Variants in CYP19A1 observed in about 807,000 individuals in gnomAD.
CYP19A1 encodes the protein aromatase.
In CYP19A1, 32 loss-of-function variants were observed where a neutral mutation model predicts 44.4. The observed-to-expected ratio is 0.72, with a 90% CI of 0.54 to 0.97. The LOEUF is 0.97. Among genes scored for constraint, CYP19A1 ranks in the 50% least tolerant of loss-of-function variants. The pLI is 0.00. For missense variants in CYP19A1, 598 were observed against 637.8 expected (o/e 0.94, Z 0.67); for synonymous variants, 212 against 215.6 (o/e 0.98, Z 0.14).
chr15:51,331,298 A>G (rs2036697310), intron 1 of CYP19A1, among the ~76,000 whole-genome samples: 1 of 152,148 alleles, frequency 6.6e-6, no homozygotes, highest in Non-Finnish European at 1.5e-5. Context: ...GCCCCTGGAG[A>G]GCTGGAGCCA....
chr15:51,334,998 G>A (rs997307338), intron 1 of CYP19A1, among the ~76,000 whole-genome samples: 6 of 152,130 alleles, frequency 3.9e-5, no homozygotes, highest in Admixed American at 3.9e-4. Context: ...GGCTTTGCAG[G>A]GTTGGACTGT....
At chr15:51,255,478 T>A (rs1019002912) in intron 1 of CYP19A1, 1 of 152,204 alleles carries the variant, frequency 6.6e-6, no homozygotes, top group South Asian at 2.1e-4. Flanking sequence ...CTCAACAGAA[T>A]ATTTGAAAGC....
intron 1 of CYP19A1, among the ~76,000 whole-genome samples, chr15:51,247,441 C>CT (rs1491530571): frequency 6.6e-6 from 1 of 150,566 alleles, no homozygotes; most frequent in Non-Finnish European, 1.5e-5. Context: ...CCTTCTCCCC[C>CT]TGTCCTTACT....
chr15:51,216,096 G>C, intron 6 of CYP19A1: 1 of 465,544 alleles, frequency 2.1e-6, no homozygotes, highest in Non-Finnish European at 3.7e-6. Flanking sequence ...ATATCAAAAG[G>C]CTAAATCTAA....
chr15:51,258,853 T>G (rs1324284834), intron 1 of CYP19A1, among the ~76,000 whole-genome samples: 1 of 152,084 alleles, frequency 6.6e-6, no homozygotes, highest in African/African-American at 2.4e-5. Context: ...ATTTGAAGAG[T>G]TTAAATCCAA....
intron 6 of CYP19A1, among the ~76,000 whole-genome samples, chr15:51,217,797 T>C (rs1025092695): frequency 6.6e-6 from 1 of 152,202 alleles, no homozygotes; most frequent in African/African-American, 2.4e-5. Flanking sequence ...TATATCTTAT[T>C]TTAAATAACT....
At chr15:51,256,799 A>G (rs892747837) in intron 1 of CYP19A1, among the ~76,000 whole-genome samples, 15 of 152,228 alleles carry the variant, frequency 9.9e-5, no homozygotes, top group African/African-American at 3.6e-4. Flanking sequence ...TAATGGCAGA[A>G]TCATATCCTT....
chr15:51,285,909 T>C (rs955295347), intron 1 of CYP19A1, among the ~76,000 whole-genome samples: 5 of 152,182 alleles, frequency 3.3e-5, no homozygotes, highest in African/African-American at 1.2e-4. Context: ...TGGTGTTGGA[T>C]CTGATCACCC....
intron 1 of CYP19A1, among the ~76,000 whole-genome samples, chr15:51,251,043 C>T (rs1004449115): frequency 3.3e-5 from 5 of 152,160 alleles, no homozygotes; most frequent in East Asian, 3.8e-4. Flanking sequence ...GAGCTGAGTA[C>T]GAGTCTCAGA....
chr15:51,259,693 G>T (rs985390397), intron 1 of CYP19A1, among the ~76,000 whole-genome samples: 18 of 152,210 alleles, frequency 1.2e-4, no homozygotes, highest in African/African-American at 4.3e-4. Flanking sequence ...TCCAAAGAAG[G>T]TGCTAGGGCT....
intron 1 of CYP19A1, among the ~76,000 whole-genome samples, chr15:51,248,477 A>G (rs1233547456): frequency 6.6e-6 from 1 of 152,212 alleles, no homozygotes; most frequent in African/African-American, 2.4e-5. Context: ...TAATGAAAGG[A>G]TGTTGTCAAA....
chr15:51,308,341 G>A (rs571961498), intron 1 of CYP19A1, among the ~76,000 whole-genome samples: 93 of 152,262 alleles, frequency 6.1e-4, no homozygotes, highest in South Asian at 1.4e-3. Context: ...TTACCCTCCT[G>A]GTCAGAGGAA....
At chr15:51,230,527 G>T (rs141869176) in intron 3 of CYP19A1, among the ~76,000 whole-genome samples, 3 of 152,176 alleles carry the variant, frequency 2.0e-5, no homozygotes, top group Non-Finnish European at 2.9e-5. Context: ...TGAGAAGAAA[G>T]CCACCTGAGT....
intron 3 of CYP19A1, among the ~76,000 whole-genome samples, chr15:51,234,740 T>C (rs2033272776): frequency 6.6e-6 from 1 of 152,168 alleles, no homozygotes; most frequent in Non-Finnish European, 1.5e-5. Flanking sequence ...CTAGATGGAA[T>C]GTTCTCAAAC....
chr15:51,238,116 T>A (rs2033522918), intron 2 of CYP19A1, among the ~76,000 whole-genome samples: 1 of 152,252 alleles, frequency 6.6e-6, no homozygotes. Flanking sequence ...TGAGTTAATA[T>A]GAGCAAGACT....
intron 1 of CYP19A1, among the ~76,000 whole-genome samples, chr15:51,329,986 G>T (rs553522475): frequency 2.3e-4 from 35 of 152,302 alleles, no homozygotes; most frequent in African/African-American, 8.2e-4. Context: ...GGGCTCCCCA[G>T]AAGGGACATC....
At chr15:51,314,987 C>T (rs1212324878) in intron 1 of CYP19A1, among the ~76,000 whole-genome samples, 1 of 152,120 alleles carries the variant, frequency 6.6e-6, no homozygotes, top group Non-Finnish European at 1.5e-5. Context: ...CTGTCCCTGG[C>T]AACAGCTCCT....
chr15:51,314,546 G>A (rs760782965), intron 1 of CYP19A1, among the ~76,000 whole-genome samples: 1 of 152,140 alleles, frequency 6.6e-6, no homozygotes, highest in Non-Finnish European at 1.5e-5. Context: ...TGGAGAATCA[G>A]TTCTTTGGGA....
intron 3 of CYP19A1, among the ~76,000 whole-genome samples, chr15:51,232,089 T>G (rs968488620): frequency 6.6e-6 from 1 of 152,204 alleles, no homozygotes; most frequent in Non-Finnish European, 1.5e-5. Flanking sequence ...CAAAATTCCT[T>G]TGCCCACACA....
Sources: allele counts gnomAD v4.1 joint callset (sites outside exome capture counted in the v4.1 genomes callset), GRCh38; gene constraint gnomAD v4.1.1; transcripts MANE v1.5; gene names NCBI Gene and HGNC (gene_info 2026-07-23, HGNC 2026-07-21).